Variants in GRPR observed in about 807,000 individuals in gnomAD.
GRPR encodes the protein gastrin-releasing peptide receptor.
Under a neutral mutation model 15.6 loss-of-function variants are expected in GRPR, and 4 were observed. The ratio of observed to expected loss-of-function variants is 0.26; its 90% CI spans 0.13 to 0.59. The LOEUF is 0.59. GRPR is among the 20% of genes least tolerant of loss of function. The pLI is 0.90. For synonymous variants in GRPR, 128 were observed against 126.8 expected (o/e 1.01, Z -0.06); for missense variants, 270 against 304.1 (o/e 0.89, Z 0.83).
chrX:16,142,581 CA>C (rs1157323157), intron 1 of GRPR, among the ~76,000 whole-genome samples: 2 of 112,002 alleles, frequency 1.8e-5, no homozygotes, highest in Non-Finnish European at 3.8e-5. Context: ...TTCCTGGTAA[CA>C]TAGAATGAAA....
At chrX:16,125,941 T>C (rs981550302) in intron 1 of GRPR, among the ~76,000 whole-genome samples, 1 of 111,334 alleles carries the variant, frequency 9.0e-6, no homozygotes, top group African/African-American at 3.3e-5. Flanking sequence ...ATTTTCTTAA[T>C]GGGAAGGAGA....
At chrX:16,124,410 C>T (rs755650591) in intron 1 of GRPR, 44 bp downstream of exon 1, 6 of 1,108,978 alleles carry the variant, frequency 5.4e-6, no homozygotes, top group Admixed American at 2.2e-5. Flanking sequence ...GGGTGATAGA[C>T]GCCTGGGTAA....
chrX:16,129,067 G>A (rs1240458168), intron 1 of GRPR, among the ~76,000 whole-genome samples: 1 of 112,292 alleles, frequency 8.9e-6, no homozygotes, highest in Non-Finnish European at 1.9e-5. Flanking sequence ...GAATGGGGCT[G>A]GCAGAATGGA....
chrX:16,140,584 C>T (rs955089783), intron 1 of GRPR, among the ~76,000 whole-genome samples: 2 of 111,321 alleles, frequency 1.8e-5, no homozygotes, highest in African/African-American at 6.5e-5. Flanking sequence ...AGAATTACCA[C>T]CAACAGACAA....
At chrX:16,133,822 A>G (rs1190691266) in intron 1 of GRPR, among the ~76,000 whole-genome samples, 1 of 111,818 alleles carries the variant, frequency 8.9e-6, no homozygotes, top group Non-Finnish European at 1.9e-5. Context: ...CAGTATTACT[A>G]TGATGCACTT....
chrX:16,135,199 T>C (rs1323840114), intron 1 of GRPR, among the ~76,000 whole-genome samples: 1 of 111,946 alleles, frequency 8.9e-6, no homozygotes, highest in Non-Finnish European at 1.9e-5. Context: ...CATCAAAGCC[T>C]CTGGGATCTT....
chrX:16,143,955 A>G (rs1165319863), intron 1 of GRPR, among the ~76,000 whole-genome samples: 1 of 112,281 alleles, frequency 8.9e-6, no homozygotes, highest in Non-Finnish European at 1.9e-5. Context: ...CGATTCATCC[A>G]AGACCATACA....
rs1167635329 is a variant in GRPR at position 16,152,665 on chromosome X, C to T, written c.*20C>T. The T allele has an allele frequency of 1.7e-6, 2 of 1,182,823 alleles. No homozygotes were observed. The highest frequency in any genetic ancestry group is 4.4e-5 in the Admixed American group (2 of 45,529). On this transcript the variant is annotated 3_prime_UTR_variant, in exon 3 of 3. Coordinates refer to ENST00000380289, the MANE Select transcript of GRPR (RefSeq NM_005314.3). Reference sequence around the variant, plus strand: ...GTCTAGATTGACCCTTGATTTTGCCCCCTGAGGGACGGTTTTGCTTTATGG... The same window carrying T: ...GTCTAGATTGACCCTTGATTTTGCCTCCTGAGGGACGGTTTTGCTTTATGG...
chrX:16,124,479 G>A, intron 1 of GRPR, 113 bp downstream of exon 1: 2 of 697,158 alleles, frequency 2.9e-6, no homozygotes, highest in Admixed American at 2.3e-5. Context: ...ACTCAAACAC[G>A]GATTCCCTTC....
chrX:16,141,423 T>C (rs770833597), intron 1 of GRPR, among the ~76,000 whole-genome samples: 1 of 112,426 alleles, frequency 8.9e-6, no homozygotes, highest in Admixed American at 9.4e-5. Context: ...TCAGTAGCTC[T>C]TTCTCTAGCC....
chrX:16,131,056 T>C (rs1255315763), intron 1 of GRPR, among the ~76,000 whole-genome samples: 2 of 112,285 alleles, frequency 1.8e-5, no homozygotes, highest in Non-Finnish European at 3.8e-5. Flanking sequence ...TTTATGTGAC[T>C]AATTAAGTAT....
chrX:16,136,651 G>A (rs1192329844), intron 1 of GRPR, among the ~76,000 whole-genome samples: 1 of 111,760 alleles, frequency 8.9e-6, no homozygotes, highest in Admixed American at 9.5e-5. Context: ...GCTTTGGTGT[G>A]GACAGGCAGA....
At chrX:16,135,965 G>T (rs1460991008) in intron 1 of GRPR, among the ~76,000 whole-genome samples, 1 of 112,252 alleles carries the variant, frequency 8.9e-6, no homozygotes, top group African/African-American at 3.2e-5. Flanking sequence ...TTAAAATGAT[G>T]ATTTAAGGAA....
At chrX:16,125,343 G>A (rs950154310) in intron 1 of GRPR, among the ~76,000 whole-genome samples, 2 of 112,416 alleles carry the variant, frequency 1.8e-5, no homozygotes, top group African/African-American at 6.5e-5. Context: ...GTAATGAATA[G>A]ACTTTCAGAC....
chrX:16,150,435 C>A lies in GRPR; in HGVS notation c.544C>A (p.His182Asn). 1 of 1,207,418 alleles carries A rather than the reference C, an allele frequency of 8.3e-7. No individual in the cohort carries two copies. Among genetic ancestry groups the A allele is most frequent in the South Asian group, 1.8e-5 (1 of 56,864 alleles). ...AIPEAVFSDL[H>N]PFHEESTNQT... ...TCCAGAGGCCGTGTTTTCTGACCTC[C>A]ATCCCTTCCATGAGGAAAGCACCAA... Residue 182 changes from histidine (H) to asparagine (N), a missense_variant, in exon 2 of 3, where the codon CAT (histidine) becomes AAT (asparagine). His to Asn is a moderately conservative substitution (Grantham distance 68). Around this residue, in one of 3 missense-constraint regions of GRPR, gnomAD observed 22 missense variants for 51.9 expected, o/e 0.42. Transcript: ENST00000380289.
At chrX:16,143,946 G>A (rs973130311) in intron 1 of GRPR, among the ~76,000 whole-genome samples, 9 of 112,076 alleles carry the variant, frequency 8.0e-5, no homozygotes, top group Non-Finnish European at 1.1e-4. Context: ...CAGAGTCCAC[G>A]ATTCATCCAA....
chrX:16,138,625 G>A (rs1922483957), intron 1 of GRPR, among the ~76,000 whole-genome samples: 1 of 112,095 alleles, frequency 8.9e-6, no homozygotes, highest in Non-Finnish European at 1.9e-5. Flanking sequence ...TAGTTCTTAC[G>A]ATAACCCTGA....
At chrX:16,148,345 A>G (rs1233162223) in intron 1 of GRPR, among the ~76,000 whole-genome samples, 1 of 111,670 alleles carries the variant, frequency 9.0e-6, no homozygotes, top group Non-Finnish European at 1.9e-5. Flanking sequence ...AGACAGGGCC[A>G]GTTAAACAAC....
intron 1 of GRPR, among the ~76,000 whole-genome samples, chrX:16,131,815 G>A (rs183378332): frequency 4.5e-5 from 5 of 112,255 alleles, no homozygotes; most frequent in African/African-American, 9.7e-5. Context: ...TCCATTCTCC[G>A]GTTAATGAGC....
Sources: allele counts gnomAD v4.1 joint callset (sites outside exome capture counted in the v4.1 genomes callset), GRCh38; gene constraint gnomAD v4.1.1; regional missense constraint gnomAD v4.1.1; transcripts MANE v1.5; gene names NCBI Gene and HGNC (gene_info 2026-07-23, HGNC 2026-07-21).